NCOA2: variants seen among roughly 807,000 people sequenced by gnomAD.
NCOA2 encodes nuclear receptor coactivator 2.
Under a neutral mutation model 145.1 loss-of-function variants are expected in NCOA2, and 21 were observed. That is an observed-to-expected ratio of 0.14 (90% confidence interval 0.10 to 0.21). NCOA2 has a LOEUF of 0.21. Among genes scored for constraint, NCOA2 ranks in the 10% least tolerant of loss-of-function variants. NCOA2 has a pLI of 1.00. For missense variants in NCOA2, 1,472 were observed against 1,837.6 expected (o/e 0.80, Z 3.64); for synonymous variants, 619 against 637.5 (o/e 0.97, Z 0.44).
chr8:70,404,847 G>GT (rs906174374), upstream of NCOA2, among the ~76,000 whole-genome samples: 13 of 151,786 alleles, frequency 8.6e-5, no homozygotes, highest in Admixed American at 4.6e-4. Flanking sequence ...GGAAAAGCAA[G>GT]TTTTTTTTCC....
chr8:70,400,524 A>G (rs1362129088), intron 1 of NCOA2, among the ~76,000 whole-genome samples: 2 of 152,220 alleles, frequency 1.3e-5, no homozygotes, highest in Non-Finnish European at 2.9e-5. Flanking sequence ...AGAGAAGGGC[A>G]TATGTCAGAG....
intron 2 of NCOA2, among the ~76,000 whole-genome samples, chr8:70,294,303 A>C (rs1826921249): frequency 1.3e-5 from 2 of 152,182 alleles, no homozygotes; most frequent in East Asian, 3.8e-4. Context: ...TGTTCTTTGC[A>C]AGAAAAGTGA....
intron 1 of NCOA2, among the ~76,000 whole-genome samples, chr8:70,368,530 T>C (rs1810917860): frequency 6.6e-6 from 1 of 152,208 alleles, no homozygotes; most frequent in Non-Finnish European, 1.5e-5. Context: ...CAAAATCTGC[T>C]ACTGAGACCA....
At chr8:70,168,173 A>C (rs140521120) in intron 6 of NCOA2, among the ~76,000 whole-genome samples, 7 of 152,368 alleles carry the variant, frequency 4.6e-5, no homozygotes, top group Middle Eastern at 3.4e-3. Flanking sequence ...GCCCATGGCC[A>C]CTGGGCTGTA....
At chr8:70,231,515 C>T (rs150726944) in intron 2 of NCOA2, among the ~76,000 whole-genome samples, 100 of 152,316 alleles carry the variant, frequency 6.6e-4, no homozygotes, top group African/African-American at 2.1e-3. Flanking sequence ...TTCCTGGCTC[C>T]GCCCCAGACC....
chr8:70,263,657 A>G (rs1824325883), intron 2 of NCOA2, among the ~76,000 whole-genome samples: 1 of 151,946 alleles, frequency 6.6e-6, no homozygotes, highest in East Asian at 1.9e-4. Context: ...TGAACCCGGG[A>G]GGCGGAGCTT....
chr8:70,388,740 A>C (rs1812899622), intron 1 of NCOA2, among the ~76,000 whole-genome samples: 1 of 152,184 alleles, frequency 6.6e-6, no homozygotes, highest in African/African-American at 2.4e-5. Flanking sequence ...AAAAGAGGAA[A>C]TGAACTGTTC....
rs538706438 is a variant in NCOA2 at position 70,388,055 on chromosome 8, T to C, written c.-77+15645A>G. On this transcript the variant is annotated intron_variant, in intron 1 of 22. Coordinates refer to ENST00000452400, the MANE Select transcript of NCOA2 (RefSeq NM_006540.4). The stretch of plus-strand genomic sequence containing the variant: ...CAGATAAGCTGTGTCAATCATACCT[T>C]TTATGATTCTGAGCCACAACATTTG... 2.6e-5 allele frequency among the ~76,000 whole-genome samples: 4 copies of C among 152,334 alleles called. No individual in the cohort carries two copies. The East Asian group carries it at 7.7e-4, about 29-fold the overall frequency.
At chr8:70,440,238 C>T in the NCOA2 span, among the ~76,000 whole-genome samples, 1 of 151,960 alleles carries the variant, frequency 6.6e-6, no homozygotes, top group Admixed American at 6.5e-5. Context: ...GATTGCACCA[C>T]TGCACTCCAG....
At chr8:70,256,012 G>C (rs1823606823) in intron 2 of NCOA2, among the ~76,000 whole-genome samples, 2 of 152,220 alleles carry the variant, frequency 1.3e-5, no homozygotes, top group Admixed American at 1.3e-4. Context: ...CAAGTCCTCA[G>C]TGATGTAATA....
chr8:70,405,437 G>GTTTTTTTTTTTTTTTTTTTTTTTTT (rs34814735), upstream of NCOA2, among the ~76,000 whole-genome samples: 8 of 59,364 alleles, frequency 1.3e-4, 1 homozygote, highest in East Asian at 1.4e-3. Context: ...ATTTTTAAAG[G>GTTTTTTTTTTTTTTTTTTTTTTTTT]TTTTTTTTTT....
At chr8:70,387,587 C>G (rs1047036497) in intron 1 of NCOA2, among the ~76,000 whole-genome samples, 6 of 152,048 alleles carry the variant, frequency 3.9e-5, no homozygotes, top group African/African-American at 1.4e-4. Flanking sequence ...ATCCCACATG[C>G]TCCTCTTATA....
intron 3 of NCOA2, 146 bp downstream of exon 3, chr8:70,216,514 C>T: frequency 1.5e-6 from 1 of 645,592 alleles, no homozygotes; most frequent in South Asian, 1.9e-5. Context: ...AAAATGTAAG[C>T]AAGTACATAT....
intron 1 of NCOA2, among the ~76,000 whole-genome samples, chr8:70,323,410 C>T (rs1806262844): frequency 1.3e-5 from 2 of 152,002 alleles, no homozygotes; most frequent in Non-Finnish European, 2.9e-5. Context: ...TTGAATGTAG[C>T]AACAGCGAGA....
chr8:70,386,500 G>C (rs1437630802), intron 1 of NCOA2, among the ~76,000 whole-genome samples: 1 of 152,028 alleles, frequency 6.6e-6, no homozygotes, highest in East Asian at 1.9e-4. Flanking sequence ...CCCTGGAAAC[G>C]CTTGTGGTAA....
Position 70,141,187 on chromosome 8 carries a change from T to C in NCOA2, c.3025A>G (p.Ile1009Val), listed in dbSNP as rs1391746841. ...RQTLQSQVMN[I>V]GPSELEMNMG... is the part of the protein sequence containing the mutation. ...AACAGCACTAGAGCCACCTTACCTA[T>C]ATTCATGACCTGAGACTGAAGCGTC... is the stretch of plus-strand genomic sequence containing the variant. Residue 1009 changes from isoleucine (I) to valine (V), a missense_variant, in exon 14 of 23, where the codon ATA (isoleucine) becomes GTA (valine). By Grantham distance (29) the Ile-to-Val change is conservative. This residue lies in a region of NCOA2 where 953 missense variants were observed against 1,062.1 expected (regional missense o/e 0.90). Coordinates refer to ENST00000452400, the MANE Select transcript of NCOA2 (RefSeq NM_006540.4). 26 of 1,613,296 alleles carry C rather than the reference T, an allele frequency of 1.6e-5. No individual in the cohort carries two copies. The highest frequency in any genetic ancestry group is 2.1e-5 in the Non-Finnish European group (25 of 1,179,676).
chr8:70,431,662 C>CAAAGA, the NCOA2 span, among the ~76,000 whole-genome samples: 1 of 152,148 alleles, frequency 6.6e-6, no homozygotes, highest in Admixed American at 6.5e-5. Flanking sequence ...GGGCTATATG[C>CAAAGA]ATTTCAAACC....
intron 1 of NCOA2, among the ~76,000 whole-genome samples, chr8:70,352,258 CT>C (rs1223037139): frequency 6.6e-6 from 1 of 152,038 alleles, no homozygotes; most frequent in Non-Finnish European, 1.5e-5. Context: ...ATTATGTCGT[CT>C]TTTTTAAATG....
At chr8:70,309,398 A>G (rs556304313) in intron 1 of NCOA2, among the ~76,000 whole-genome samples, 1 of 152,006 alleles carries the variant, frequency 6.6e-6, no homozygotes, top group East Asian at 2.0e-4. Context: ...TCTCGGGCAG[A>G]CAAGCTGGAA....
Sources: allele counts gnomAD v4.1 joint callset (sites outside exome capture counted in the v4.1 genomes callset), GRCh38; gene constraint gnomAD v4.1.1; regional missense constraint gnomAD v4.1.1; transcripts MANE v1.5; gene names NCBI Gene and HGNC (gene_info 2026-07-23, HGNC 2026-07-21).